STPG4: variants seen among roughly 807,000 people sequenced by gnomAD.
STPG4 encodes the protein sperm-tail PG-rich repeat containing 4.
Under a neutral mutation model 31.5 loss-of-function variants are expected in STPG4, and 41 were observed. The ratio of observed to expected loss-of-function variants is 1.30; its 90% CI spans 1.01 to 1.69. STPG4 has a LOEUF of 1.69. Among genes scored for constraint, STPG4 ranks in the 40% most tolerant of loss-of-function variants. The probability of loss-of-function intolerance (pLI) is 0.00; values close to 1 mark genes in which losing one functional copy is unlikely to be tolerated. For missense variants in STPG4, 375 were observed against 293.4 expected, an observed-to-expected ratio of 1.28 and a Z score of -2.03; for synonymous variants, 141 against 103.0, an observed-to-expected ratio of 1.37 and a Z score of -2.24.
intron 5 of STPG4, among the ~76,000 whole-genome samples, chr2:47,103,667 C>T (rs1460016370): frequency 1.3e-5 from 2 of 151,930 alleles, no homozygotes; most frequent in Non-Finnish European, 2.9e-5. Flanking sequence ...ACTGCCCCCT[C>T]GTCCATGTCC....
At chr2:47,120,831 C>T (rs1391510604) in intron 5 of STPG4, among the ~76,000 whole-genome samples, 2 of 152,060 alleles carry the variant, frequency 1.3e-5, no homozygotes, top group African/African-American at 4.8e-5. Flanking sequence ...ATATAAAAAA[C>T]ATTTATGTTT....
At chr2:47,087,779 C>A (rs1041639804) in intron 6 of STPG4, among the ~76,000 whole-genome samples, 1 of 152,094 alleles carries the variant, frequency 6.6e-6, no homozygotes, top group Non-Finnish European at 1.5e-5. Flanking sequence ...GACAGAGTCT[C>A]GCCCTGTTGC....
chr2:47,126,693 T>G (rs1686372845), intron 5 of STPG4, among the ~76,000 whole-genome samples: 1 of 152,216 alleles, frequency 6.6e-6, no homozygotes, highest in Admixed American at 6.5e-5. Context: ...CTTTTAGCGT[T>G]TCTTGTAGGA....
intron 5 of STPG4, among the ~76,000 whole-genome samples, chr2:47,093,639 G>C (rs939471327): frequency 2.0e-5 from 3 of 152,202 alleles, no homozygotes; most frequent in Non-Finnish European, 4.4e-5. Flanking sequence ...AGCTGCCTGG[G>C]AGTCCAGGCA....
At chr2:47,146,038 C>T (rs1209945484) in intron 3 of STPG4, among the ~76,000 whole-genome samples, 3 of 152,124 alleles carry the variant, frequency 2.0e-5, no homozygotes, top group East Asian at 3.9e-4. Flanking sequence ...AGTGAAAATA[C>T]CTTGAGGTAG....
intron 5 of STPG4, among the ~76,000 whole-genome samples, chr2:47,112,943 G>C (rs1686071281): frequency 7.6e-6 from 1 of 131,368 alleles, no homozygotes; most frequent in African/African-American, 3.0e-5. Flanking sequence ...AGTGAGCCAA[G>C]ATTATGTCAC....
At chr2:47,127,132 G>T (rs6744319) in intron 5 of STPG4, among the ~76,000 whole-genome samples, 3,142 of 151,600 alleles carry the variant, frequency 0.021, 34 homozygotes, top group African/African-American at 0.029. Context: ...TCTCTTTAAG[G>T]CCAATAACTC....
chr2:47,118,253 C>T (rs544908389), intron 5 of STPG4, among the ~76,000 whole-genome samples: 1 of 152,242 alleles, frequency 6.6e-6, no homozygotes, highest in East Asian at 1.9e-4. Flanking sequence ...TCAGCGGCAG[C>T]ATTAGATTCT....
chr2:47,133,444 G>C (rs1686528271), intron 3 of STPG4, among the ~76,000 whole-genome samples: 2 of 152,038 alleles, frequency 1.3e-5, no homozygotes, highest in African/African-American at 2.4e-5. Flanking sequence ...TCAGATTATA[G>C]GTGTGAGCCA....
At chr2:47,089,340 T>C (rs1329572364) in intron 6 of STPG4, among the ~76,000 whole-genome samples, 1 of 152,184 alleles carries the variant, frequency 6.6e-6, no homozygotes, top group Non-Finnish European at 1.5e-5. Context: ...TGTGCTACCT[T>C]ACTCTGCTGC....
At chr2:47,088,222 G>C (rs1483238863) in intron 6 of STPG4, among the ~76,000 whole-genome samples, 1 of 152,116 alleles carries the variant, frequency 6.6e-6, no homozygotes, top group African/African-American at 2.4e-5. Flanking sequence ...TGGGATTACA[G>C]GGGTGCACCA....
At chr2:47,122,902 T>G (rs1480291895) in intron 5 of STPG4, among the ~76,000 whole-genome samples, 1 of 152,228 alleles carries the variant, frequency 6.6e-6, no homozygotes, top group Admixed American at 6.5e-5. Flanking sequence ...CTTGGCTCAC[T>G]GCAACCTCCG....
chr2:47,102,819 T>G lies in STPG4; in HGVS notation c.520-12445A>C, dbSNP rs143739709. On this transcript the variant is annotated intron_variant, in intron 5 of 6. Coordinates refer to ENST00000445927, the MANE Select transcript of STPG4 (RefSeq NM_001163561.2). Reference sequence around the variant, plus strand: ...GGGTACATGTCCCCTTCTCCCTCTCTGATTTAAAGCAGATCAAGGCAGACC... The same window carrying G: ...GGGTACATGTCCCCTTCTCCCTCTCGGATTTAAAGCAGATCAAGGCAGACC... Among the ~76,000 whole-genome samples, 1,402 of 152,000 alleles carry G rather than the reference T, an allele frequency of 9.2e-3. 58 individuals are homozygous for G. Among genetic ancestry groups the G allele is most frequent in the African/African-American group, 0.031 (1,292 of 41,306 alleles).
chr2:47,090,508 T>A, intron 5 of STPG4, 134 bp from the exon 6 acceptor site: 1 of 640,682 alleles, frequency 1.6e-6, no homozygotes, highest in Non-Finnish European at 2.7e-6. Context: ...TCTCGAGAGA[T>A]CTCTTTAAGG....
chr2:47,124,727 G>A (rs376975937), intron 5 of STPG4, among the ~76,000 whole-genome samples: 3 of 152,142 alleles, frequency 2.0e-5, no homozygotes, highest in African/African-American at 4.8e-5. Context: ...ACAGTGTGCT[G>A]CAACAAACAC....
chr2:47,102,374 C>T (rs1400995548), intron 5 of STPG4, among the ~76,000 whole-genome samples: 1 of 151,832 alleles, frequency 6.6e-6, no homozygotes, highest in Non-Finnish European at 1.5e-5. Flanking sequence ...GACCCATAAA[C>T]CCTGAAAAAG....
chr2:47,091,992 C>T (rs1685577765), intron 5 of STPG4, among the ~76,000 whole-genome samples: 2 of 148,658 alleles, frequency 1.3e-5, no homozygotes, highest in African/African-American at 5.0e-5. Flanking sequence ...CAACTACTCC[C>T]AAATGTCATT....
chr2:47,130,962 G>A (rs115203547), intron 3 of STPG4, among the ~76,000 whole-genome samples: 1,971 of 151,810 alleles, frequency 0.013, 39 homozygotes, highest in African/African-American at 0.045. Flanking sequence ...CTTCAGGTGT[G>A]TGCCACTGCA....
intron 5 of STPG4, among the ~76,000 whole-genome samples, chr2:47,107,135 C>T (rs181485707): frequency 1.3e-5 from 2 of 152,180 alleles, no homozygotes; most frequent in East Asian, 3.9e-4. Context: ...TCAGAGCTCT[C>T]TCTCGCTTTC....
Sources: gnomAD v4.1 joint callset for allele counts (sites outside exome capture counted in the v4.1 genomes callset) on GRCh38, gnomAD v4.1.1 for gene constraint, MANE v1.5 for transcripts, NCBI Gene and HGNC (gene_info 2026-07-23, HGNC 2026-07-21) for gene names.